The following RASL10B variants were observed in gnomAD, a reference collection of about 807,000 sequenced individuals.
The protein encoded by RASL10B is ras-like protein family member 10B.
A neutral mutation model predicts 20.7 loss-of-function variants in RASL10B; 10 were observed. That is an observed-to-expected ratio of 0.48 (90% confidence interval 0.30 to 0.82). RASL10B has a LOEUF of 0.82. Ranked by LOEUF, RASL10B falls within the 40% of genes least tolerant of loss-of-function variation. The pLI, the probability that RASL10B is intolerant of heterozygous loss-of-function variation, is 0.07. For synonymous variants in RASL10B, 110 were observed against 123.3 expected (o/e 0.89, Z 0.72); for missense variants, 231 against 295.4 (o/e 0.78, Z 1.60).
intron 2 of RASL10B, chr17:35,736,727 T>C (rs2085595152): frequency 6.6e-6 from 1 of 152,220 alleles, no homozygotes; most frequent in Non-Finnish European, 1.5e-5. Context: ...TAACCACTCT[T>C]ATCGAATTTT....
At chr17:35,740,599 A>G in intron 3 of RASL10B, 66 bp downstream of exon 3, 1 of 1,570,302 alleles carries the variant, frequency 6.4e-7, no homozygotes, top group Non-Finnish European at 8.7e-7. Flanking sequence ...AGTCCCTGTG[A>G]AAAGGGCACA....
In RASL10B at chr17:35,742,041, G is replaced by T. The variant is rs1190761215; in HGVS notation, c.*736G>T. On this transcript the variant is annotated 3_prime_UTR_variant, in exon 4 of 4. Coordinates refer to ENST00000603017, the MANE Select transcript of RASL10B (RefSeq NM_033315.4). ...ACTCGATGGTCCGTCCCTGCCAGGT[G>T]CCCCTCACTCTTCCTGACCCCAAAG... is the stretch of plus-strand genomic sequence containing the variant. 6.6e-6 allele frequency: 1 copy of T among 152,008 alleles called. No individual in the cohort carries two copies. Among genetic ancestry groups the T allele is most frequent in the Non-Finnish European group, 1.5e-5 (1 of 68,052 alleles). The allele number at this position is 152,008 out of a possible 1,614,324, so 9.4% of individuals were successfully genotyped here. A position where few individuals can be genotyped will look rare whatever the true frequency, so the allele number is the denominator to read the frequency against.
intron 3 of RASL10B, 53 bp from the exon 4 acceptor site, chr17:35,740,982 G>A: frequency 4.7e-6 from 7 of 1,478,300 alleles, no homozygotes; most frequent in Non-Finnish European, 6.5e-6. Flanking sequence ...CCTGCTGGGA[G>A]TACAGCGGTT....
intron 1 of RASL10B, among the ~76,000 whole-genome samples, chr17:35,733,163 G>A (rs1487013431): frequency 7.2e-5 from 11 of 152,106 alleles, no homozygotes; most frequent in African/African-American, 2.7e-4. Context: ...TCTCTCTCAC[G>A]CACACTGCAT....
intron 1 of RASL10B, among the ~76,000 whole-genome samples, chr17:35,732,381 G>A (rs587594735): frequency 6.6e-6 from 1 of 152,360 alleles, no homozygotes; most frequent in African/African-American, 2.4e-5. Context: ...GGCGCTGTCT[G>A]CAGACTCACT....
At chr17:35,740,679 G>A in intron 3 of RASL10B, 146 bp downstream of exon 3, 1 of 1,054,604 alleles carries the variant, frequency 9.5e-7, no homozygotes, top group Non-Finnish European at 1.4e-6. Context: ...TGCATACATT[G>A]TGCTGTTCCC....
Position 35,731,997 on chromosome 17 carries a change from A to G in RASL10B, c.-148+119A>G, listed in dbSNP as rs1256668374. 1.3e-4 allele frequency: 7 copies of G among 52,146 alleles called. No individual in the cohort carries two copies. The Admixed American group carries it at 1.5e-3, about 11-fold the overall frequency. The allele number at this position is 52,146 out of a possible 1,614,324, so 3.2% of individuals were successfully genotyped here. ...GCCTGGGCGAGGGGCGTCCGGGACT[A>G]GGAGGGGGCCGGCGGGCGGGCGGGC... On this transcript the variant is annotated intron_variant, in intron 1 of 3. Transcript: ENST00000603017.
chr17:35,734,067 G>A (rs1184455379), intron 1 of RASL10B, among the ~76,000 whole-genome samples: 1 of 152,016 alleles, frequency 6.6e-6, no homozygotes, highest in African/African-American at 2.4e-5. Context: ...GGCCAAGGTG[G>A]GTAGATCACC....
At chr17:35,738,358 TTAAG>T (rs1353713636) in intron 2 of RASL10B, among the ~76,000 whole-genome samples, 1 of 152,112 alleles carries the variant, frequency 6.6e-6, no homozygotes, top group African/African-American at 2.4e-5. Flanking sequence ...GCACCAAAGA[TTAAG>T]TATAAAACCT....
chr17:35,732,010 C>T (rs1220801561), intron 1 of RASL10B, 132 bp downstream of exon 1: 1 of 43,258 alleles, frequency 2.3e-5, no homozygotes, highest in Admixed American at 2.5e-4. Flanking sequence ...AGGGGGCCGG[C>T]GGGCGGGCGG....
At chr17:35,740,928 A>G (rs2085624775) in intron 3 of RASL10B, 107 bp from the exon 4 acceptor site, 2 of 923,566 alleles carry the variant, frequency 2.2e-6, no homozygotes, top group Non-Finnish European at 3.3e-6. Context: ...CTGCGCCTGG[A>G]GCAGAACCTA....
At chr17:35,737,718 A>G (rs1400941638) in intron 2 of RASL10B, among the ~76,000 whole-genome samples, 2 of 151,670 alleles carry the variant, frequency 1.3e-5, no homozygotes, top group Non-Finnish European at 2.9e-5. Flanking sequence ...CCTGGGCAAC[A>G]TGACAAAACT....
In RASL10B at chr17:35,735,201, G is replaced by A. The variant is rs782176805; in HGVS notation, c.17G>A (p.Arg6Gln). The change falls in exon 2 of 4, where the codon CGG (arginine) becomes CAG (glutamine). Residue 6 changes from arginine to glutamine, a missense_variant. By Grantham distance (43) the Arg-to-Gln change is conservative. Coordinates refer to ENST00000603017, the MANE Select transcript of RASL10B (RefSeq NM_033315.4). This position sits in a 1 kb window ranked among gnomAD's most constrained non-coding sequence, Gnocchi z 6.7. ...GCGGGAGGCATGGTCTCCACCTACC[G>A]GGTGGCCGTGCTGGGGGCGCGAGGT... MVSTY[R>Q]VAVLGARGVG... The A allele has an allele frequency of 9.3e-6, 15 of 1,610,644 alleles. No homozygotes were observed. Among genetic ancestry groups the A allele is most frequent in the African/African-American group, 2.7e-5 (2 of 74,912 alleles).
intron 2 of RASL10B, among the ~76,000 whole-genome samples, chr17:35,738,511 C>T (rs1555597494): frequency 6.6e-6 from 1 of 152,100 alleles, no homozygotes; most frequent in Non-Finnish European, 1.5e-5. Flanking sequence ...GAGAAGGAAG[C>T]TGAGATTATC....
At chr17:35,736,605 G>A (rs2085593497) in intron 2 of RASL10B, among the ~76,000 whole-genome samples, 1 of 152,176 alleles carries the variant, frequency 6.6e-6, no homozygotes, top group Admixed American at 6.5e-5. Context: ...CTCTTCTAAA[G>A]GAGACTTTAA....
chr17:35,739,700 A>T (rs1455544378), intron 2 of RASL10B, among the ~76,000 whole-genome samples: 1 of 152,236 alleles, frequency 6.6e-6, no homozygotes, highest in Non-Finnish European at 1.5e-5. Context: ...GTCTAAGGGC[A>T]GTGGCAGAGG....
chr17:35,741,278 GC>G lies in RASL10B; in HGVS notation c.586del (p.Arg196AlafsTer56), dbSNP rs781928086. The stretch of plus-strand genomic sequence containing the variant: ...CTGCCCTGCGCTTCCAGGGCGCGCT[GC>G]GCCGCAACCGCTGCGCCATCATGTG... Reference protein sequence around the residue: ...HAALRFQGALRRNRCAIM With the variant: ...HAALRFQGALXRNRCAIM On this transcript the variant is annotated frameshift_variant, in exon 4 of 4. Coordinates refer to ENST00000603017, the MANE Select transcript of RASL10B (RefSeq NM_033315.4). LOFTEE classifies it high-confidence loss of function. 1.3e-6 allele frequency: 2 copies of G among 1,532,848 alleles called. No individual in the cohort carries two copies. Among genetic ancestry groups the G allele is most frequent in the Non-Finnish European group, 1.8e-6 (2 of 1,137,462 alleles). 95.0% of individuals were successfully genotyped at this position (1,532,848 alleles called of 1,614,324 possible). A position where few individuals can be genotyped will look rare whatever the true frequency, so the allele number is the denominator to read the frequency against.
Position 35,741,728 on chromosome 17 carries a change from T to TA in RASL10B, c.*424dup, listed in dbSNP as rs1399079506. On this transcript the variant is annotated 3_prime_UTR_variant, in exon 4 of 4. Coordinates refer to ENST00000603017, the MANE Select transcript of RASL10B (RefSeq NM_033315.4). The stretch of plus-strand genomic sequence containing the variant: ...GCCCACCCCAGCGTCTGTTGGTACT[T>TA]ACCTGTCTCACCTACCCTCCAGTCC... The TA allele has an allele frequency of 5.8e-6, 1 of 173,376 alleles. No homozygotes were observed. The highest frequency in any genetic ancestry group is 2.4e-5 in the African/African-American group (1 of 42,298). 10.7% of individuals were successfully genotyped at this position (173,376 alleles called of 1,614,324 possible). A position where few individuals can be genotyped will look rare whatever the true frequency, so the allele number is the denominator to read the frequency against.
chr17:35,739,876 A>G (rs1259894100), intron 2 of RASL10B, among the ~76,000 whole-genome samples: 1 of 152,218 alleles, frequency 6.6e-6, no homozygotes, highest in African/African-American at 2.4e-5. Context: ...AGCTCACAGC[A>G]GAAGTGGGGA....
Sources: allele counts gnomAD v4.1 joint callset (sites outside exome capture counted in the v4.1 genomes callset), GRCh38; gene constraint gnomAD v4.1.1; non-coding constraint Gnocchi (gnomAD v3.1); transcripts MANE v1.5; gene names NCBI Gene and HGNC (gene_info 2026-07-23, HGNC 2026-07-21).